The following TM9SF1 variants were observed in gnomAD, a reference collection of about 807,000 sequenced individuals.
TM9SF1 encodes transmembrane 9 superfamily member 1.
In TM9SF1, 25 loss-of-function variants were observed where a neutral mutation model predicts 52.4. That is an observed-to-expected ratio of 0.48 (90% CI 0.35 to 0.67). The LOEUF is 0.67. TM9SF1 is among the 30% of genes least tolerant of loss of function. TM9SF1 has a pLI of 0.01. For missense variants in TM9SF1, 604 were observed against 780.3 expected, an observed-to-expected ratio of 0.77 and a Z score of 2.69; for synonymous variants, 284 against 299.8, an observed-to-expected ratio of 0.95 and a Z score of 0.55.
chr14:24,195,294 C>T (rs892075371), intron 1 of TM9SF1, 52 bp downstream of exon 1: 13 of 443,884 alleles, frequency 2.9e-5, no homozygotes, highest in Admixed American at 7.7e-5. Flanking sequence ...ATGGCAACGC[C>T]GCTCGGTCTC....
chr14:24,190,877 T>C (rs1594449636), intron 4 of TM9SF1, among the ~76,000 whole-genome samples: 1 of 105,798 alleles, frequency 9.5e-6, no homozygotes, highest in African/African-American at 3.4e-5. Flanking sequence ...TTTTTTTTTT[T>C]TTGAGACAGA....
intron 4 of TM9SF1, among the ~76,000 whole-genome samples, chr14:24,190,869 T>G (rs1306218868): frequency 7.3e-6 from 1 of 137,508 alleles, no homozygotes; most frequent in Non-Finnish European, 1.6e-5. Context: ...TTTTTTTTTT[T>G]TTTTTTTTTT....
Position 24,192,475 on chromosome 14 carries a change from GT to G in TM9SF1, c.968-120del, listed in dbSNP as rs2039336633. 22 of 1,391,088 alleles carry G rather than the reference GT, an allele frequency of 1.6e-5. No individual in the cohort carries two copies. Among genetic ancestry groups the G allele is most frequent in the Non-Finnish European group, 2.1e-5 (22 of 1,025,016 alleles). 86.2% of individuals were successfully genotyped at this position (1,391,088 alleles called of 1,614,324 possible). ...GCCTCCAGCAAAACAATCTCCCCCAGTTTTGCTATCCAGAAAATCTACAATA... is the reference window on the plus strand; with the variant it reads ...GCCTCCAGCAAAACAATCTCCCCCAGTTTGCTATCCAGAAAATCTACAATA... On this transcript the variant is annotated intron_variant, in intron 3 of 5. Coordinates refer to ENST00000261789, the MANE Select transcript of TM9SF1 (RefSeq NM_006405.7). This position sits in a 1 kb window ranked among gnomAD's most constrained non-coding sequence, Gnocchi z 4.0.
Position 24,189,287 on chromosome 14 carries a change from G to T in TM9SF1, c.*128C>A. 1 of 1,040,122 alleles carries T rather than the reference G, an allele frequency of 9.6e-7. No homozygotes were observed. The highest frequency in any genetic ancestry group is 1.4e-6 in the Non-Finnish European group (1 of 720,144). The allele number at this position is 1,040,122 out of a possible 1,614,324, so 64.4% of individuals were successfully genotyped here. A position where few individuals can be genotyped will look rare whatever the true frequency, so the allele number is the denominator to read the frequency against. On this transcript the variant is annotated 3_prime_UTR_variant, in exon 6 of 6. Coordinates refer to ENST00000261789, the MANE Select transcript of TM9SF1 (RefSeq NM_006405.7). ...TCCAGGCCCTCTCTGGGGAAGGAAT[G>T]CCCAAAGGGCAAAAGGGAAGGCAAC...
intron 5 of TM9SF1, chr14:24,190,160 G>A (rs1207098203): frequency 2.2e-6 from 3 of 1,377,036 alleles, no homozygotes; most frequent in African/African-American, 2.9e-5. Flanking sequence ...AAACCAGGAA[G>A]GTGAAGGGGG....
chr14:24,191,573 C>T (rs1566648661), intron 4 of TM9SF1, among the ~76,000 whole-genome samples: 2 of 152,192 alleles, frequency 1.3e-5, no homozygotes, highest in African/African-American at 2.4e-5. Flanking sequence ...AGTGTAATCT[C>T]AGACAAGTTA....
In TM9SF1 at chr14:24,189,704, A is replaced by G. The variant is rs774057981; in HGVS notation, c.1532T>C (p.Val511Ala). 6 of 1,614,068 alleles carry G rather than the reference A, an allele frequency of 3.7e-6. No homozygotes were observed. The African/African-American group carries it at 8.0e-5, about 22-fold the overall frequency. The stretch of plus-strand genomic sequence containing the variant: ...GAGTGCAATGGAGATGCAAGCCCCC[A>G]CACTCAGCAGGATGGCGAAGACAAA... Reference protein sequence around the residue: ...LFFVFAILLSVGACISIALTY... With the variant: ...LFFVFAILLSAGACISIALTY... Residue 511 changes from valine (V) to alanine (A), a missense_variant, in exon 6 of 6, where the codon GTG (valine) becomes GCG (alanine). Val to Ala is a moderately conservative substitution (Grantham distance 64). Transcript: ENST00000261789.
chr14:24,193,436 G>A (rs919834657), intron 2 of TM9SF1, among the ~76,000 whole-genome samples, 167 bp from the exon 3 acceptor site: 10 of 151,920 alleles, frequency 6.6e-5, no homozygotes, highest in South Asian at 6.2e-4. Context: ...GTGCGATCTC[G>A]GCTTACTGCA....
At position 24,192,809 on chromosome 14, in the gene TM9SF1, T is replaced by C; in HGVS notation, c.806A>G (p.Asn269Ser). Reference sequence around the variant, plus strand: ...TGCAGAGGTGGTCTCCTCATCTAAGTTGTACCGAGCCAGGTCATTCCGAAG... The same window carrying C: ...TGCAGAGGTGGTCTCCTCATCTAAGCTGTACCGAGCCAGGTCATTCCGAAG... Reference protein sequence around the residue: ...RVLRNDLARYNLDEETTSAGS... With the variant: ...RVLRNDLARYSLDEETTSAGS... Residue 269 changes from asparagine (N) to serine (S), a missense_variant, in exon 3 of 6, where the codon AAC becomes AGC. Transcript: ENST00000261789. This position sits in a 1 kb window ranked among gnomAD's most constrained non-coding sequence, Gnocchi z 4.0. 3.7e-6 allele frequency: 6 copies of C among 1,613,974 alleles called. No homozygotes were observed. Among genetic ancestry groups the C allele is most frequent in the Non-Finnish European group, 5.1e-6 (6 of 1,179,922 alleles).
At position 24,194,928 on chromosome 14, in the gene TM9SF1, T is replaced by C. The variant is rs775991748; in HGVS notation, c.92A>G (p.Glu31Gly). 1 of 1,614,214 alleles carries C rather than the reference T, an allele frequency of 6.2e-7. No homozygotes were observed. Among genetic ancestry groups the C allele is most frequent in the Non-Finnish European group, 8.5e-7 (1 of 1,180,042 alleles). ...GCCGGCCTTGTAGTGTGTCACGCCT[T>C]CCACCCCTGGCCCATGGCCTGTGCC... is the stretch of plus-strand genomic sequence containing the variant. ...LLGTGHGPGV[E>G]GVTHYKAGDP... Residue 31 changes from glutamate (E) to glycine (G), a missense_variant, in exon 2 of 6, where the codon GAA becomes GGA. Around this residue, in one of 3 missense-constraint regions of TM9SF1, gnomAD observed 47 missense variants for 39.7 expected, o/e 1.18. Coordinates refer to ENST00000261789, the MANE Select transcript of TM9SF1 (RefSeq NM_006405.7).
chr14:24,190,870 T>G (rs2039313256), intron 4 of TM9SF1, among the ~76,000 whole-genome samples: 1 of 138,210 alleles, frequency 7.2e-6, no homozygotes, highest in East Asian at 2.1e-4. Context: ...TTTTTTTTTT[T>G]TTTTTTTTTG....
chr14:24,190,477 G>T lies in TM9SF1; in HGVS notation c.1330C>A (p.Pro444Thr). 1 of 1,614,174 alleles carries T rather than the reference G, an allele frequency of 6.2e-7. No homozygotes were observed. Among genetic ancestry groups the T allele is most frequent in the Non-Finnish European group, 8.5e-7 (1 of 1,180,026 alleles). ...GKNNASPFDAPCRTKNIAREI... is the reference protein window; with the variant it reads ...GKNNASPFDATCRTKNIAREI... ...CGGGCGATGTTCTTGGTGCGACAGG[G>T]TGCATCAAAGGGGCTGGCGTTGTTC... The change falls in exon 5 of 6, where the codon CCC (proline) becomes ACC (threonine). Residue 444 changes from proline (P) to threonine (T), a missense_variant. By Grantham distance (38) the Pro-to-Thr change is conservative. This residue lies in a region of TM9SF1 where 450 missense variants were observed against 560.1 expected (regional missense o/e 0.80). Transcript: ENST00000261789.
chr14:24,190,502 C>A lies in TM9SF1; in HGVS notation c.1305G>T (p.Lys435Asn). The A allele has an allele frequency of 6.2e-7, 1 of 1,614,192 alleles. No homozygotes were observed. The highest frequency in any genetic ancestry group is 8.5e-7 in the Non-Finnish European group (1 of 1,180,032). The change falls in exon 5 of 6, where the codon AAG becomes AAT. Residue 435 changes from lysine (K) to asparagine (N), a missense_variant. By Grantham distance (94) the Lys-to-Asn change is moderately conservative. Transcript: ENST00000261789. ...GTGCATCAAAGGGGCTGGCGTTGTT[C>A]TTCCCAAAGATGCCTCCAATGACAG... is the stretch of plus-strand genomic sequence containing the variant. ...PLTVIGGIFGKNNASPFDAPC... is the reference protein window; with the variant it reads ...PLTVIGGIFGNNNASPFDAPC...
chr14:24,192,749 C>T lies in TM9SF1; in HGVS notation c.866G>A (p.Gly289Asp). ...GACATCTGTATGGATAATTTTCCAGCCATTGTCACCCTGGTCAAAGTCATC... is the reference window on the plus strand; with the variant it reads ...GACATCTGTATGGATAATTTTCCAGTCATTGTCACCCTGGTCAAAGTCATC... ...SGDDFDQGDN[G>D]WKIIHTDVFR... The change falls in exon 3 of 6, where the codon GGC (glycine) becomes GAC (aspartate). Residue 289 changes from glycine to aspartate, a missense_variant. By Grantham distance (94) the Gly-to-Asp change is moderately conservative (BLOSUM62 -1). Transcript: ENST00000261789. The surrounding 1 kb of genome is among the most constrained non-coding windows in gnomAD (Gnocchi z 4.0). 1.2e-6 allele frequency: 2 copies of T among 1,614,148 alleles called. No homozygotes were observed. The highest frequency in any genetic ancestry group is 1.7e-6 in the Non-Finnish European group (2 of 1,180,008).
At position 24,189,292 on chromosome 14, in the gene TM9SF1, A is replaced by C; in HGVS notation, c.*123T>G. 2.7e-6 allele frequency: 3 copies of C among 1,112,640 alleles called. No individual in the cohort carries two copies. The South Asian group carries it at 5.0e-5, about 18-fold the overall frequency. The allele number at this position is 1,112,640 out of a possible 1,614,324, so 68.9% of individuals were successfully genotyped here. A position where few individuals can be genotyped will look rare whatever the true frequency, so the allele number is the denominator to read the frequency against. ...GCCCTCTCTGGGGAAGGAATGCCCA[A>C]AGGGCAAAAGGGAAGGCAACAATGC... On this transcript the variant is annotated 3_prime_UTR_variant, in exon 6 of 6. Coordinates refer to ENST00000261789, the MANE Select transcript of TM9SF1 (RefSeq NM_006405.7).
chr14:24,195,186 C>G, intron 1 of TM9SF1, 150 bp from the exon 2 acceptor site: 1 of 610,700 alleles, frequency 1.6e-6, no homozygotes, highest in Non-Finnish European at 2.9e-6. Flanking sequence ...CCCAAAGACC[C>G]CGCTCCACCT....
At chr14:24,193,876 C>T (rs1165618521) in intron 2 of TM9SF1, among the ~76,000 whole-genome samples, 2 of 150,902 alleles carry the variant, frequency 1.3e-5, no homozygotes, top group South Asian at 2.1e-4. Context: ...GCCGAGATTG[C>T]GCCACGGCAC....
chr14:24,195,223 G>A (rs911884911), intron 1 of TM9SF1, 123 bp downstream of exon 1: 9 of 580,072 alleles, frequency 1.6e-5, no homozygotes, highest in African/African-American at 7.5e-5. Context: ...CCAACCTGGG[G>A]TTCACCCCAC....
At chr14:24,189,949 T>C in intron 5 of TM9SF1, 141 bp from the exon 6 acceptor site, 1 of 1,403,500 alleles carries the variant, frequency 7.1e-7, no homozygotes, top group Non-Finnish European at 9.3e-7. Flanking sequence ...CTGCCCCAGA[T>C]CTCCTGGCTT....
Sources: gnomAD v4.1 joint callset for allele counts (sites outside exome capture counted in the v4.1 genomes callset) on GRCh38, gnomAD v4.1.1 for gene constraint, gnomAD v4.1.1 regional missense constraint, Gnocchi (gnomAD v3.1) non-coding constraint, MANE v1.5 for transcripts, NCBI Gene and HGNC (gene_info 2026-07-23, HGNC 2026-07-21) for gene names.